Variants in RNF111 observed in about 807,000 individuals in gnomAD.
The protein encoded by RNF111 is E3 ubiquitin-protein ligase Arkadia.
RNF111 carries 17 observed loss-of-function variants against 95.1 expected under a neutral mutation model. The ratio of observed to expected loss-of-function variants is 0.18; its 90% CI spans 0.12 to 0.27. RNF111 has a LOEUF of 0.27. RNF111 is among the 10% of genes least tolerant of loss of function. The probability of loss-of-function intolerance (pLI) is 1.00; values close to 1 mark genes in which losing one functional copy is unlikely to be tolerated. For missense variants in RNF111, 1,189 were observed against 1,210.4 expected (o/e 0.98, Z 0.26); for synonymous variants, 440 against 414.8 (o/e 1.06, Z -0.74).
intron 6 of RNF111, among the ~76,000 whole-genome samples, chr15:59,070,518 T>G (rs1040676453): frequency 6.6e-6 from 1 of 152,186 alleles, no homozygotes; most frequent in Non-Finnish European, 1.5e-5. Context: ...AAACATAAAT[T>G]CAGTCTTAAA....
intron 5 of RNF111, among the ~76,000 whole-genome samples, chr15:59,063,696 A>G (rs941915832): frequency 1.3e-5 from 2 of 152,224 alleles, no homozygotes; most frequent in East Asian, 1.9e-4. Flanking sequence ...TCTGGACTAT[A>G]TATATTCAAA....
intron 4 of RNF111, 87 bp downstream of exon 4, chr15:59,055,932 C>T (rs2042183707): frequency 9.9e-7 from 1 of 1,011,876 alleles, no homozygotes; most frequent in South Asian, 2.2e-5. Context: ...CTCCTGCTTA[C>T]TGGTAATATA....
At chr15:59,059,997 T>G (rs879668392) in intron 5 of RNF111, among the ~76,000 whole-genome samples, 4 of 152,228 alleles carry the variant, frequency 2.6e-5, no homozygotes, top group Non-Finnish European at 5.9e-5. Context: ...TCAGGAAGTA[T>G]TCTCTCCCCT....
chr15:59,033,451 G>A (rs1033727196), intron 2 of RNF111, among the ~76,000 whole-genome samples: 2 of 152,200 alleles, frequency 1.3e-5, no homozygotes, highest in Non-Finnish European at 2.9e-5. Flanking sequence ...TGAGAGGAGT[G>A]TAGAATAACC....
intron 2 of RNF111, among the ~76,000 whole-genome samples, chr15:59,048,950 A>G (rs1410021297): frequency 6.6e-6 from 1 of 151,858 alleles, no homozygotes; most frequent in East Asian, 1.9e-4. Context: ...AACAAACAAA[A>G]ATTAGCTGGG....
intron 10 of RNF111, among the ~76,000 whole-genome samples, chr15:59,088,054 G>C (rs1310410063): frequency 6.6e-6 from 1 of 152,064 alleles, no homozygotes; most frequent in Non-Finnish European, 1.5e-5. Flanking sequence ...ACCCCTATTT[G>C]GTTGGCAGTA....
rs139850173 is a variant in RNF111 at position 59,097,372 on chromosome 15, C to T, written c.*2472C>T. On this transcript the variant is annotated 3_prime_UTR_variant, in exon 14 of 14. Coordinates refer to ENST00000348370, the MANE Select transcript of RNF111 (RefSeq NM_017610.8). ...CTTTCTTTTAGCTGCTAGCACACTT[C>T]AGCATTTGAACCATAACAGTTGTGA... 38 of 152,080 alleles carry T rather than the reference C, an allele frequency of 2.5e-4. No homozygotes were observed. The highest frequency in any genetic ancestry group is 8.9e-4 in the African/African-American group (37 of 41,452). The allele number at this position is 152,080 out of a possible 1,614,324, so 9.4% of individuals were successfully genotyped here.
chr15:59,002,892 C>T (rs1407212555), intron 1 of RNF111, among the ~76,000 whole-genome samples: 1 of 152,162 alleles, frequency 6.6e-6, no homozygotes, highest in Non-Finnish European at 1.5e-5. Context: ...TGTGGCTTGA[C>T]TGACTAGTGG....
chr15:59,014,817 A>T (rs1467490789), intron 1 of RNF111, among the ~76,000 whole-genome samples: 2 of 150,636 alleles, frequency 1.3e-5, no homozygotes, highest in Non-Finnish European at 2.9e-5. Flanking sequence ...GTGCAGTGGC[A>T]CCATCACGGC....
chr15:59,070,029 CTTTTTTT>C (rs1189748185), intron 6 of RNF111, among the ~76,000 whole-genome samples: 1 of 22,678 alleles, frequency 4.4e-5, no homozygotes, highest in Non-Finnish European at 7.4e-5. Context: ...CCACCTCCTG[CTTTTTTT>C]TTTTTTTTTT....
chr15:59,000,487 G>A (rs1186571701), intron 1 of RNF111, among the ~76,000 whole-genome samples: 2 of 152,082 alleles, frequency 1.3e-5, no homozygotes, highest in Non-Finnish European at 2.9e-5. Flanking sequence ...CGAGGCAGGC[G>A]GATCACCTGA....
intron 10 of RNF111, among the ~76,000 whole-genome samples, chr15:59,086,986 G>A (rs1028098274): frequency 3.4e-4 from 52 of 152,304 alleles, no homozygotes; most frequent in African/African-American, 1.2e-3. Flanking sequence ...CTGAATGAAG[G>A]CAATTGTAGT....
chr15:59,075,904 A>G, intron 6 of RNF111, 50 bp from the exon 7 acceptor site: 2 of 1,580,006 alleles, frequency 1.3e-6, no homozygotes, highest in Non-Finnish European at 1.7e-6. Context: ...TATAACATGA[A>G]ATATTTGACC....
intron 1 of RNF111, among the ~76,000 whole-genome samples, chr15:59,002,240 G>A (rs558970980): frequency 3.4e-4 from 52 of 152,174 alleles, no homozygotes; most frequent in African/African-American, 1.1e-3. Flanking sequence ...CTATCTTCCC[G>A]CCATTTCTCT....
chr15:59,006,119 T>A (rs899924978), intron 1 of RNF111, among the ~76,000 whole-genome samples: 4 of 152,244 alleles, frequency 2.6e-5, no homozygotes, highest in Non-Finnish European at 5.9e-5. Context: ...ATTAGGGTGA[T>A]GGGATTGGGA....
intron 6 of RNF111, among the ~76,000 whole-genome samples, chr15:59,067,399 C>G (rs568033615): frequency 1.5e-4 from 23 of 151,990 alleles, no homozygotes; most frequent in African/African-American, 5.3e-4. Context: ...CTGGAAAACC[C>G]AGCATGAGGG....
At chr15:59,026,704 A>C (rs2040627298) in intron 1 of RNF111, among the ~76,000 whole-genome samples, 1 of 146,952 alleles carries the variant, frequency 6.8e-6, no homozygotes, top group Non-Finnish European at 1.5e-5. Context: ...GCCTGATACA[A>C]TTACAGGGAT....
chr15:59,017,668 A>G (rs1273370149), intron 1 of RNF111, among the ~76,000 whole-genome samples: 2 of 152,136 alleles, frequency 1.3e-5, no homozygotes, highest in African/African-American at 2.4e-5. Context: ...AAGCTTTGAA[A>G]GTTGACAGAT....
chr15:59,095,858 T>C lies in RNF111; in HGVS notation c.*958T>C. 1 of 396,056 alleles carries C rather than the reference T, an allele frequency of 2.5e-6. No homozygotes were observed. Among genetic ancestry groups the C allele is most frequent in the Non-Finnish European group, 4.5e-6 (1 of 224,658 alleles). 24.5% of individuals were successfully genotyped at this position (396,056 alleles called of 1,614,324 possible). A position where few individuals can be genotyped will look rare whatever the true frequency, so the allele number is the denominator to read the frequency against. On this transcript the variant is annotated 3_prime_UTR_variant, in exon 14 of 14. Transcript: ENST00000348370. ...ATTAAGTCAAGATTTGGAATTTAAGTCACTGGCAGGTATCTGTGCATTCAT... is the reference window on the plus strand; with the variant it reads ...ATTAAGTCAAGATTTGGAATTTAAGCCACTGGCAGGTATCTGTGCATTCAT...
Sources: gnomAD v4.1 joint callset for allele counts (sites outside exome capture counted in the v4.1 genomes callset) on GRCh38, gnomAD v4.1.1 for gene constraint, MANE v1.5 for transcripts, NCBI Gene and HGNC (gene_info 2026-07-23, HGNC 2026-07-21) for gene names.